Variants in ESRRG observed in about 807,000 individuals in gnomAD.
The protein encoded by ESRRG is estrogen related receptor gamma.
In ESRRG, 13 loss-of-function variants were observed where a neutral mutation model predicts 44.0. The observed-to-expected ratio is 0.30, with a 90% CI of 0.19 to 0.47. ESRRG has a LOEUF of 0.47. ESRRG is among the 20% of genes least tolerant of loss of function. The pLI is 1.00. For missense variants in ESRRG, 395 were observed against 580.6 expected (o/e 0.68, Z 3.29); for synonymous variants, 215 against 214.6 (o/e 1.00, Z -0.02).
chr1:216,775,549 ATCTTTTTTTTTTTTTTTTT>A (rs1559586678), intron 2 of ESRRG, among the ~76,000 whole-genome samples: 2 of 82,886 alleles, frequency 2.4e-5, no homozygotes, highest in African/African-American at 4.1e-5. Flanking sequence ...AAAATGTCAC[ATCTTTTTTTTTTTTTTTTT>A]TTTTTTTTTT....
intron 2 of ESRRG, among the ~76,000 whole-genome samples, chr1:216,747,269 C>T (rs1377357759): frequency 6.6e-6 from 1 of 152,106 alleles, no homozygotes; most frequent in Non-Finnish European, 1.5e-5. Flanking sequence ...AGTAATTACC[C>T]GCATCCCACC....
intron 2 of ESRRG, among the ~76,000 whole-genome samples, chr1:216,748,186 G>A (rs534142579): frequency 6.6e-6 from 1 of 151,932 alleles, no homozygotes; most frequent in South Asian, 2.1e-4. Flanking sequence ...TCAATGTATA[G>A]CCTAGATCCA....
chr1:216,689,313 T>C (rs1024030192), intron 1 of ESRRG, among the ~76,000 whole-genome samples: 10 of 152,162 alleles, frequency 6.6e-5, no homozygotes, highest in East Asian at 1.9e-4. Flanking sequence ...GTCAACTGGC[T>C]CACTACCTAA....
intron 1 of ESRRG, among the ~76,000 whole-genome samples, chr1:217,095,697 C>G (rs957159551): frequency 3.3e-5 from 5 of 152,140 alleles, no homozygotes; most frequent in East Asian, 1.9e-4. Flanking sequence ...ATTTAAAGGC[C>G]TCTGGAACAT....
At chr1:216,763,117 C>A (rs1397920554) in intron 2 of ESRRG, among the ~76,000 whole-genome samples, 2 of 152,062 alleles carry the variant, frequency 1.3e-5, no homozygotes, top group Non-Finnish European at 2.9e-5. Context: ...AAGCTATTTA[C>A]ACTGGGAAAT....
chr1:216,927,593 C>G (rs2062767890), intron 2 of ESRRG, among the ~76,000 whole-genome samples: 1 of 152,208 alleles, frequency 6.6e-6, no homozygotes, highest in African/African-American at 2.4e-5. Flanking sequence ...TTAGGGCCAG[C>G]CATATCTTGG....
intron 1 of ESRRG, among the ~76,000 whole-genome samples, chr1:216,978,630 T>C (rs1302298088): frequency 6.6e-6 from 1 of 152,198 alleles, no homozygotes; most frequent in Non-Finnish European, 1.5e-5. Context: ...AGTTTCTCAG[T>C]ACCCCAATAC....
At chr1:216,553,756 A>G (rs1027150253) in intron 5 of ESRRG, among the ~76,000 whole-genome samples, 5 of 152,138 alleles carry the variant, frequency 3.3e-5, no homozygotes, top group African/African-American at 1.2e-4. Flanking sequence ...AAAAGCTAAA[A>G]CAAAATCCCT....
chr1:216,984,644 T>G (rs2074566224), intron 1 of ESRRG, among the ~76,000 whole-genome samples: 2 of 152,214 alleles, frequency 1.3e-5, no homozygotes. Flanking sequence ...TGCTGAAATC[T>G]CTAGGCTGTC....
chr1:216,516,078 A>T (rs1442299151), intron 6 of ESRRG, among the ~76,000 whole-genome samples: 1 of 152,134 alleles, frequency 6.6e-6, no homozygotes, highest in Non-Finnish European at 1.5e-5. Flanking sequence ...ACAATATTAA[A>T]ATTGTGACCT....
At chr1:216,568,220 G>C (rs1573158704) in intron 3 of ESRRG, 122 bp from the exon 4 acceptor site, 1 of 700,916 alleles carries the variant, frequency 1.4e-6, no homozygotes, top group East Asian at 2.6e-5. Flanking sequence ...GAATGGACCA[G>C]GGGTACTCAA....
intron 2 of ESRRG, among the ~76,000 whole-genome samples, chr1:216,824,853 C>A (rs1036278074): frequency 6.6e-6 from 1 of 152,188 alleles, no homozygotes; most frequent in East Asian, 1.9e-4. Flanking sequence ...AAGTAACGAA[C>A]CATGAACCAC....
At chr1:216,883,085 T>C (rs575241427) in intron 2 of ESRRG, among the ~76,000 whole-genome samples, 2 of 152,188 alleles carry the variant, frequency 1.3e-5, no homozygotes, top group East Asian at 1.9e-4. Flanking sequence ...GCTCTTAAGA[T>C]ACTTTGCTCA....
chr1:216,995,357 G>A (rs1451770344), intron 1 of ESRRG, among the ~76,000 whole-genome samples: 4 of 152,180 alleles, frequency 2.6e-5, no homozygotes, highest in African/African-American at 9.7e-5. Flanking sequence ...GATACTACCA[G>A]AGTGTCTCTC....
chr1:216,948,476 CAAAAAAAAAAA>C (rs5780948), intron 1 of ESRRG, among the ~76,000 whole-genome samples: 1 of 103,366 alleles, frequency 9.7e-6, no homozygotes, highest in African/African-American at 3.7e-5. Context: ...GACTCCATCT[CAAAAAAAAAAA>C]AAAAAAAAGA....
At chr1:216,651,325 T>C (rs1306588226) in intron 2 of ESRRG, among the ~76,000 whole-genome samples, 1 of 152,180 alleles carries the variant, frequency 6.6e-6, no homozygotes, top group African/African-American at 2.4e-5. Flanking sequence ...AGTTTAAAAT[T>C]AGCCTTCAAA....
intron 2 of ESRRG, among the ~76,000 whole-genome samples, chr1:216,854,168 C>T (rs1024501916): frequency 2.1e-4 from 32 of 151,800 alleles, no homozygotes; most frequent in Admixed American, 5.2e-4. Context: ...ACCATCCTGG[C>T]CAACATGATA....
rs2041304602 is a variant in ESRRG at position 216,506,769 on chromosome 1, G to A, written c.*170C>T. ...GGAGAAAGTAGAAAGAAACTCATCA[G>A]GAACCTATGGAGGAATCTGAAAGCT... On this transcript the variant is annotated 3_prime_UTR_variant, in exon 7 of 7. Transcript: ENST00000408911. The A allele has an allele frequency of 2.9e-6, 2 of 686,152 alleles. No individual in the cohort carries two copies. Among genetic ancestry groups the A allele is most frequent in the African/African-American group, 1.8e-5 (1 of 55,128 alleles). The allele number at this position is 686,152 out of a possible 1,614,324, so 42.5% of individuals were successfully genotyped here.
intron 1 of ESRRG, among the ~76,000 whole-genome samples, chr1:217,021,417 C>T (rs2080307932): frequency 6.6e-6 from 1 of 152,186 alleles, no homozygotes; most frequent in Admixed American, 6.5e-5. Context: ...CATGGACTCT[C>T]GTTGAATAGG....
Sources: allele counts gnomAD v4.1 joint callset (sites outside exome capture counted in the v4.1 genomes callset), GRCh38; gene constraint gnomAD v4.1.1; transcripts MANE v1.5; gene names NCBI Gene and HGNC (gene_info 2026-07-23, HGNC 2026-07-21).